Variants in COLQ observed in about 807,000 individuals in gnomAD.
COLQ encodes the protein acetylcholinesterase collagenic tail peptide.
COLQ carries 48 observed loss-of-function variants against 69.0 expected under a neutral mutation model. The ratio of observed to expected loss-of-function variants is 0.70; its 90% CI spans 0.55 to 0.88. The LOEUF (loss-of-function observed/expected upper bound fraction) is 0.88, where lower values mean the gene tolerates loss of function less well. Ranked by LOEUF, COLQ falls within the 40% of genes least tolerant of loss-of-function variation. The pLI, the probability that COLQ is intolerant of heterozygous loss-of-function variation, is 0.00. For missense variants in COLQ, 618 were observed against 594.6 expected, an observed-to-expected ratio of 1.04 and a Z score of -0.41; for synonymous variants, 217 against 211.2, an observed-to-expected ratio of 1.03 and a Z score of -0.24.
intron 1 of COLQ, chr3:15,498,627 AGCCGGAGACAG>A (rs2062786430): frequency 6.4e-7 from 1 of 1,551,334 alleles, no homozygotes; most frequent in African/African-American, 1.4e-5. Context: ...AGGGAACACT[AGCCGGAGACAG>A]GCTGAGATTC....
At chr3:15,491,627 A>C (rs924543032) in intron 1 of COLQ, among the ~76,000 whole-genome samples, 1 of 152,282 alleles carries the variant, frequency 6.6e-6, no homozygotes, top group Non-Finnish European at 1.5e-5. Flanking sequence ...TCAGGCCTAA[A>C]GCGACCTTTT....
At chr3:15,494,509 C>A (rs1254738569) in intron 1 of COLQ, among the ~76,000 whole-genome samples, 1 of 152,160 alleles carries the variant, frequency 6.6e-6, no homozygotes, top group Non-Finnish European at 1.5e-5. Flanking sequence ...ACACTCTTTG[C>A]CAGGCACTGG....
intron 1 of COLQ, among the ~76,000 whole-genome samples, chr3:15,490,771 T>C (rs1437658764): frequency 1.3e-5 from 2 of 152,242 alleles, no homozygotes; most frequent in African/African-American, 4.8e-5. Flanking sequence ...TATCACACAT[T>C]AGCTGGCCAG....
chr3:15,499,999 G>T (rs1379203148), intron 1 of COLQ, among the ~76,000 whole-genome samples: 1 of 152,190 alleles, frequency 6.6e-6, no homozygotes, highest in Middle Eastern at 3.2e-3. Context: ...GTTGTATAAG[G>T]TAAAAAAAGA....
Position 15,468,917 on chromosome 3 carries a change from T to C in COLQ, c.717+1619A>G, listed in dbSNP as rs147483064. Among the ~76,000 whole-genome samples the C allele has an allele frequency of 4.2e-4, 64 of 152,340 alleles. 2 individuals carry two copies. In the East Asian group the frequency reaches 9.3e-3, roughly 22 times the overall value. On this transcript the variant is annotated intron_variant, in intron 11 of 16. Transcript: ENST00000383788. ...AGAAATTACTATCTGAAATTCCTTC[T>C]GAATTTCTGATTTTTGGCTTTGGAT...
At chr3:15,512,079 G>C (rs1301099693) in intron 1 of COLQ, among the ~76,000 whole-genome samples, 2 of 152,144 alleles carry the variant, frequency 1.3e-5, no homozygotes, top group Admixed American at 1.3e-4. Context: ...CCTCTGTGGA[G>C]CATGGTCCCA....
intron 12 of COLQ, among the ~76,000 whole-genome samples, chr3:15,462,309 C>T (rs1462066844): frequency 2.0e-5 from 3 of 152,154 alleles, no homozygotes; most frequent in African/African-American, 7.2e-5. Flanking sequence ...GGATTACAGG[C>T]GTAAGCCACC....
At chr3:15,452,615 G>A (rs781593548) in intron 16 of COLQ, among the ~76,000 whole-genome samples, 8 of 152,082 alleles carry the variant, frequency 5.3e-5, no homozygotes, top group East Asian at 1.9e-4. Flanking sequence ...ATATCTGATC[G>A]TCTACATTGA....
At position 15,451,076 on chromosome 3, in the gene COLQ, G is replaced by A. The variant is rs2125076372; in HGVS notation, c.*568C>T. On this transcript the variant is annotated 3_prime_UTR_variant, in exon 17 of 17. Coordinates refer to ENST00000383788, the MANE Select transcript of COLQ (RefSeq NM_005677.4). ...GCCACATCCACGTCAGGCTGGGCTGGGCTGTGGCCAGTCGAGGGGTCCTTT... is the reference window on the plus strand; with the variant it reads ...GCCACATCCACGTCAGGCTGGGCTGAGCTGTGGCCAGTCGAGGGGTCCTTT... The A allele has an allele frequency of 6.3e-6, 1 of 158,526 alleles. No individual in the cohort carries two copies. Among genetic ancestry groups the A allele is most frequent in the Non-Finnish European group, 1.4e-5 (1 of 71,398 alleles). The allele number at this position is 158,526 out of a possible 1,614,324, so 9.8% of individuals were successfully genotyped here.
chr3:15,457,221 T>A (rs2062038585), intron 13 of COLQ, among the ~76,000 whole-genome samples: 1 of 152,170 alleles, frequency 6.6e-6, no homozygotes, highest in South Asian at 2.1e-4. Flanking sequence ...AAGTGATTCT[T>A]AAAATTATCC....
chr3:15,489,958 A>C (rs2062637122), intron 1 of COLQ, among the ~76,000 whole-genome samples: 2 of 152,234 alleles, frequency 1.3e-5, no homozygotes, highest in South Asian at 2.1e-4. Context: ...AACAGATTTC[A>C]TCATATGCCC....
chr3:15,488,236 C>A lies in COLQ; in HGVS notation c.291G>T (p.Ser97=), dbSNP rs115201284. The change falls in exon 3 of 17, where the codon TCG becomes TCT. Residue 97 remains serine, a synonymous_variant. Coordinates refer to ENST00000383788, the MANE Select transcript of COLQ (RefSeq NM_005677.4). ...ETSQSPCMQG[S]LGSPGPPGPQ... ...GGCCGGGAGGCCCAGGGGAGCCTAGCGAGCCTTGCATGCACGGGGACTGCG... is the reference window on the plus strand; with the variant it reads ...GGCCGGGAGGCCCAGGGGAGCCTAGAGAGCCTTGCATGCACGGGGACTGCG... 3.7e-5 allele frequency: 59 copies of A among 1,613,106 alleles called. No homozygotes were observed. In the Admixed American group the frequency reaches 6.3e-4, roughly 17 times the overall value.
intron 1 of COLQ, among the ~76,000 whole-genome samples, chr3:15,507,751 A>G (rs2125173129): frequency 6.6e-6 from 1 of 152,354 alleles, no homozygotes; most frequent in African/African-American, 2.4e-5. Flanking sequence ...CACTGCACCT[A>G]GCCTTCAGCA....
rs1418542947 is a variant in COLQ at position 15,467,720 on chromosome 3, T to C, written c.718-1283A>G. 6 of 383,358 alleles carry C rather than the reference T, an allele frequency of 1.6e-5. 1 individual carries two copies. The highest frequency in any genetic ancestry group is 1.2e-4 in the South Asian group (6 of 50,812). 23.7% of individuals were successfully genotyped at this position (383,358 alleles called of 1,614,324 possible). ...GAGCAGTGATTGACACTTGCCATTT[T>C]TGACCTGGTTCTTCTTACTACACTT... On this transcript the variant is annotated intron_variant, in intron 11 of 16. Transcript: ENST00000383788.
chr3:15,458,846 A>ATT (rs397874056), intron 12 of COLQ, among the ~76,000 whole-genome samples: 2,589 of 145,542 alleles, frequency 0.018, 73 homozygotes, highest in African/African-American at 0.06. Flanking sequence ...TATATATAGA[A>ATT]TTTTTTTTTT....
At chr3:15,519,086 T>C (rs967331474) in intron 1 of COLQ, among the ~76,000 whole-genome samples, 5 of 152,148 alleles carry the variant, frequency 3.3e-5, no homozygotes, top group Non-Finnish European at 7.4e-5. Flanking sequence ...CATAAAGCCA[T>C]GGTGACTAAA....
At chr3:15,477,054 A>G (rs1380487004) in intron 6 of COLQ, 72 bp downstream of exon 6, 1 of 1,381,244 alleles carries the variant, frequency 7.2e-7, no homozygotes, top group African/African-American at 1.4e-5. Context: ...ATGTGCCAGG[A>G]GCCAGGAAAG....
chr3:15,501,995 T>C (rs1473951266), intron 1 of COLQ, among the ~76,000 whole-genome samples: 2 of 152,176 alleles, frequency 1.3e-5, no homozygotes, highest in African/African-American at 4.8e-5. Context: ...GTCAGAATAA[T>C]TTTTTCTTTA....
intron 5 of COLQ, chr3:15,478,694 C>T (rs2062422645): frequency 1.8e-6 from 1 of 561,228 alleles, no homozygotes; most frequent in Admixed American, 3.0e-5. Flanking sequence ...GTGAGATGGT[C>T]TGGGGTTGGG....
Sources: allele counts gnomAD v4.1 joint callset (sites outside exome capture counted in the v4.1 genomes callset), GRCh38; gene constraint gnomAD v4.1.1; transcripts MANE v1.5; gene names NCBI Gene and HGNC (gene_info 2026-07-23, HGNC 2026-07-21).